TAB2: variants seen among roughly 807,000 people sequenced by gnomAD.
TAB2 encodes TGF-beta activated kinase 1 (MAP3K7) binding protein 2.
Under a neutral mutation model 65.0 loss-of-function variants are expected in TAB2, and 3 were observed. That is an observed-to-expected ratio of 0.05 (90% CI 0.02 to 0.12). The LOEUF (loss-of-function observed/expected upper bound fraction) is 0.12, where lower values mean the gene tolerates loss of function less well. TAB2 is among the 10% of genes least tolerant of loss of function. The probability of loss-of-function intolerance (pLI) is 1.00; values close to 1 mark genes in which losing one functional copy is unlikely to be tolerated. For missense variants in TAB2, 623 were observed against 840.3 expected, an observed-to-expected ratio of 0.74 and a Z score of 3.20; for synonymous variants, 298 against 285.1, an observed-to-expected ratio of 1.05 and a Z score of -0.46.
At chr6:149,286,508 A>C (rs9498287) in intron 1 of TAB2, among the ~76,000 whole-genome samples, 30,460 of 152,152 alleles carry the variant, frequency 0.2, 3,261 homozygotes, top group East Asian at 0.43. Context: ...ACTGGTTCAA[A>C]CTTTTTGGAG....
At chr6:149,266,775 C>T (rs768885868) in intron 1 of TAB2, among the ~76,000 whole-genome samples, 3 of 152,202 alleles carry the variant, frequency 2.0e-5, no homozygotes, top group Non-Finnish European at 4.4e-5. Context: ...CCTCTGGAGA[C>T]ATCATCTCCT....
At chr6:149,306,731 G>A (rs1300393915) in intron 1 of TAB2, among the ~76,000 whole-genome samples, 1 of 152,094 alleles carries the variant, frequency 6.6e-6, no homozygotes, top group Non-Finnish European at 1.5e-5. Context: ...CAGCCTGGGC[G>A]ACAGAATAAG....
chr6:149,269,932 G>T (rs991949238), intron 1 of TAB2, among the ~76,000 whole-genome samples: 1 of 152,156 alleles, frequency 6.6e-6, no homozygotes, highest in Non-Finnish European at 1.5e-5. Flanking sequence ...GTGGACATAG[G>T]TTTTCATTTC....
intron 1 of TAB2, among the ~76,000 whole-genome samples, chr6:149,248,428 A>AAGGAGGG (rs59251653): frequency 1.7e-5 from 2 of 117,248 alleles, no homozygotes; most frequent in Non-Finnish European, 3.3e-5. Context: ...AAAAAGAAAG[A>AAGGAGGG]AAGGAAGGAA....
intron 1 of TAB2, among the ~76,000 whole-genome samples, chr6:149,275,221 G>A (rs533440528): frequency 9.9e-6 from 1 of 101,148 alleles, no homozygotes; most frequent in South Asian, 3.1e-4. Flanking sequence ...GGGCGGGGGA[G>A]GGGGGAGAGA....
At chr6:149,247,868 C>T (rs1267988118) in intron 1 of TAB2, 1 of 152,166 alleles carries the variant, frequency 6.6e-6, no homozygotes, top group African/African-American at 2.4e-5. Context: ...TCTTAATCCG[C>T]TGGGATACAG....
At chr6:149,337,482 C>T (rs1779969870) in intron 1 of TAB2, among the ~76,000 whole-genome samples, 1 of 152,106 alleles carries the variant, frequency 6.6e-6, no homozygotes. Flanking sequence ...AAGTGATAAG[C>T]AGGAAAGGAG....
intron 1 of TAB2, among the ~76,000 whole-genome samples, chr6:149,265,256 C>T (rs928380599): frequency 4.0e-5 from 6 of 149,514 alleles, no homozygotes; most frequent in South Asian, 4.2e-4. Context: ...TCTCTAATGG[C>T]GAAGACCCTA....
At chr6:149,405,846 CAGT>C (rs1365785301) in intron 6 of TAB2, among the ~76,000 whole-genome samples, 6 of 151,650 alleles carry the variant, frequency 4.0e-5, no homozygotes, top group East Asian at 1.9e-4. Context: ...CTGTAGTTAA[CAGT>C]AGTTTATTAT....
chr6:149,279,900 TCCAAGTTGTTTCCAG>T (rs1778541572), intron 1 of TAB2, among the ~76,000 whole-genome samples: 1 of 152,194 alleles, frequency 6.6e-6, no homozygotes, highest in Non-Finnish European at 1.5e-5. Context: ...CCACCAGTCA[TCCAAGTTGTTTCCAG>T]CCAGAGATCT....
At chr6:149,372,233 ATG>A (rs1403921021) in intron 2 of TAB2, 2 of 152,350 alleles carry the variant, frequency 1.3e-5, no homozygotes, top group Middle Eastern at 3.4e-3. Flanking sequence ...AATCTCTGGT[ATG>A]TGTTAAGAAA....
At chr6:149,250,643 C>A (rs1010368736) in intron 1 of TAB2, among the ~76,000 whole-genome samples, 4 of 152,156 alleles carry the variant, frequency 2.6e-5, no homozygotes, top group African/African-American at 9.7e-5. Flanking sequence ...GGCATTATTA[C>A]ATCTGGGTTT....
chr6:149,256,216 T>C (rs1778030559), intron 1 of TAB2, among the ~76,000 whole-genome samples: 1 of 152,230 alleles, frequency 6.6e-6, no homozygotes, highest in East Asian at 1.9e-4. Context: ...ATAATTCATC[T>C]TAAAATATTA....
chr6:149,389,171 G>A (rs137982274), intron 3 of TAB2, among the ~76,000 whole-genome samples: 7,811 of 151,678 alleles, frequency 0.051, 687 homozygotes, highest in African/African-American at 0.18. Flanking sequence ...GGCCAGGATG[G>A]TCTCAATCTC....
At chr6:149,385,554 A>G (rs1446740517) in intron 3 of TAB2, among the ~76,000 whole-genome samples, 1 of 152,214 alleles carries the variant, frequency 6.6e-6, no homozygotes, top group Non-Finnish European at 1.5e-5. Flanking sequence ...CACTTACAGA[A>G]TATTTTTTTC....
intron 1 of TAB2, among the ~76,000 whole-genome samples, chr6:149,269,372 T>A (rs975527271): frequency 6.6e-6 from 1 of 152,218 alleles, no homozygotes; most frequent in Non-Finnish European, 1.5e-5. Context: ...ATACCATTTT[T>A]AAATTGAATA....
At chr6:149,377,920 T>C (rs1781457586) in intron 2 of TAB2, 98 bp from the exon 3 acceptor site, 1 of 888,196 alleles carries the variant, frequency 1.1e-6, no homozygotes, top group Admixed American at 2.1e-5. Context: ...GTTATAATTG[T>C]ATTAGCCAGT....
At chr6:149,336,384 C>T (rs1168255252) in intron 1 of TAB2, among the ~76,000 whole-genome samples, 1 of 152,046 alleles carries the variant, frequency 6.6e-6, no homozygotes, top group Non-Finnish European at 1.5e-5. Context: ...TTCTGGTACT[C>T]GAAGTTGCCA....
chr6:149,333,137 T>C (rs1299279195), intron 1 of TAB2, among the ~76,000 whole-genome samples: 1 of 152,230 alleles, frequency 6.6e-6, no homozygotes, highest in Non-Finnish European at 1.5e-5. Context: ...GGACACAGAC[T>C]ACTAGAGTTT....
Sources: gnomAD v4.1 joint callset for allele counts (sites outside exome capture counted in the v4.1 genomes callset) on GRCh38, gnomAD v4.1.1 for gene constraint, MANE v1.5 for transcripts, NCBI Gene and HGNC (gene_info 2026-07-23, HGNC 2026-07-21) for gene names.